Variants in SLC9D1 observed in about 807,000 individuals in gnomAD.
The protein encoded by SLC9D1 is putative LAG1-interacting protein.
the SLC9D1 span, among the ~76,000 whole-genome samples, chr13:113,544,029 A>G: frequency 3.9e-5 from 6 of 152,178 alleles, no homozygotes; most frequent in Non-Finnish European, 8.8e-5. Context: ...CCCGCTTCAG[A>G]CGGCACCTTT....
At chr13:113,541,662 C>T in the SLC9D1 span, among the ~76,000 whole-genome samples, 7 of 124,164 alleles carry the variant, frequency 5.6e-5, no homozygotes, top group Admixed American at 1.7e-4. Context: ...TTATTACCGC[C>T]GAGATGTGTG....
At chr13:113,496,303 A>G in the SLC9D1 span, among the ~76,000 whole-genome samples, 14 of 152,242 alleles carry the variant, frequency 9.2e-5, no homozygotes, top group Non-Finnish European at 1.5e-5. Context: ...TTTTCTCTAT[A>G]GAGAAATCCC....
the SLC9D1 span, chr13:113,527,339 T>G: frequency 1.3e-5 from 2 of 152,214 alleles, no homozygotes; most frequent in Admixed American, 6.5e-5. Flanking sequence ...AGAACTTTCT[T>G]TGGTCATTCT....
chr13:113,521,795 G>A, the SLC9D1 span, among the ~76,000 whole-genome samples: 1 of 152,144 alleles, frequency 6.6e-6, no homozygotes, highest in African/African-American at 2.4e-5. Flanking sequence ...AAGGACAGTT[G>A]CAAAGTCTAG....
At chr13:113,517,634 T>G in the SLC9D1 span, among the ~76,000 whole-genome samples, 1 of 152,160 alleles carries the variant, frequency 6.6e-6, no homozygotes. Flanking sequence ...ACATGGATAA[T>G]TTGCAGATAT....
the SLC9D1 span, chr13:113,503,655 CT>C: frequency 5.5e-6 from 5 of 912,360 alleles, no homozygotes; most frequent in Admixed American, 8.5e-5. Flanking sequence ...GGTTCATACA[CT>C]TTTAACACTT....
At chr13:113,500,144 A>G in the SLC9D1 span, 1 of 1,496,998 alleles carries the variant, frequency 6.7e-7, no homozygotes, top group Non-Finnish European at 9.0e-7. Context: ...TCACCACTTT[A>G]TAAAGGTAGT....
At chr13:113,548,438 G>A in the SLC9D1 span, 19 of 1,610,160 alleles carry the variant, frequency 1.2e-5, no homozygotes, top group Middle Eastern at 2.2e-4. Context: ...AAGAGCGGGC[G>A]TCATCTCTCG....
chr13:113,504,784 T>C, the SLC9D1 span: 3 of 152,258 alleles, frequency 2.0e-5, no homozygotes, highest in African/African-American at 7.2e-5. Flanking sequence ...TCTAGACATG[T>C]GCATGCAAGT....
At chr13:113,538,265 G>A in the SLC9D1 span, among the ~76,000 whole-genome samples, 2 of 125,366 alleles carry the variant, frequency 1.6e-5, no homozygotes, top group Non-Finnish European at 3.3e-5. Context: ...GTTCGTGTGT[G>A]TCTGCTTTGT....
the SLC9D1 span, among the ~76,000 whole-genome samples, chr13:113,492,740 A>G: frequency 6.6e-6 from 1 of 152,230 alleles, no homozygotes. Flanking sequence ...TCTACTAAAA[A>G]TACAAAAATT....
At chr13:113,501,356 G>T in the SLC9D1 span, among the ~76,000 whole-genome samples, 1 of 152,268 alleles carries the variant, frequency 6.6e-6, no homozygotes, top group East Asian at 1.9e-4. Context: ...CATTGTGTAG[G>T]TATCATAAGT....
At chr13:113,505,977 G>A in the SLC9D1 span, 1 of 154,994 alleles carries the variant, frequency 6.5e-6, no homozygotes, top group Non-Finnish European at 1.4e-5. Flanking sequence ...ATTAACTTTA[G>A]GGTGTTCTCC....
chr13:113,540,157 C>G, the SLC9D1 span, among the ~76,000 whole-genome samples: 1 of 152,096 alleles, frequency 6.6e-6, no homozygotes, highest in African/African-American at 2.4e-5. Flanking sequence ...CAATCTGGGC[C>G]GATTCTGTGT....
chr13:113,509,401 T>TGTATGTTGGGG, the SLC9D1 span, among the ~76,000 whole-genome samples: 2 of 139,490 alleles, frequency 1.4e-5, no homozygotes, highest in African/African-American at 5.1e-5. Flanking sequence ...GAGCTGCCTG[T>TGTATGTTGGGG]CTATGTTGGG....
chr13:113,514,327 G>A, the SLC9D1 span: 1 of 152,156 alleles, frequency 6.6e-6, no homozygotes, highest in Non-Finnish European at 1.5e-5. Context: ...AATGTATCAA[G>A]AACGTCTGTA....
the SLC9D1 span, among the ~76,000 whole-genome samples, chr13:113,516,522 C>T: frequency 6.7e-6 from 1 of 149,156 alleles, no homozygotes; most frequent in Non-Finnish European, 1.5e-5. Flanking sequence ...GCTGAGTTCA[C>T]ACCACTGCAC....
At chr13:113,545,326 G>C in the SLC9D1 span, among the ~76,000 whole-genome samples, 3 of 152,216 alleles carry the variant, frequency 2.0e-5, no homozygotes, top group African/African-American at 7.2e-5. Context: ...TGGTGCTCCT[G>C]GGTGCTGTGG....
chr13:113,506,613 AG>A, the SLC9D1 span, among the ~76,000 whole-genome samples: 3 of 151,830 alleles, frequency 2.0e-5, no homozygotes, highest in Non-Finnish European at 4.4e-5. Flanking sequence ...AGGGCAATTT[AG>A]GGCCAACCCG....
Sources: allele counts gnomAD v4.1 joint callset (sites outside exome capture counted in the v4.1 genomes callset), GRCh38; gene constraint gnomAD v4.1.1; transcripts MANE v1.5; gene names NCBI Gene and HGNC (gene_info 2026-07-23, HGNC 2026-07-21).